Variants in FARS2 observed in about 807,000 individuals in gnomAD.
FARS2 encodes phenylalanine--tRNA ligase, mitochondrial.
FARS2 carries 40 observed loss-of-function variants against 46.4 expected under a neutral mutation model. The observed-to-expected ratio is 0.86, with a 90% confidence interval of 0.67 to 1.12. FARS2 has a LOEUF of 1.12. Ranked by LOEUF, FARS2 falls within the 50% of genes most tolerant of loss-of-function variation. The probability of loss-of-function intolerance (pLI) is 0.00; values close to 1 mark genes in which losing one functional copy is unlikely to be tolerated. For synonymous variants in FARS2, 234 were observed against 214.9 expected, an observed-to-expected ratio of 1.09 and a Z score of -0.78; for missense variants, 513 against 567.9, an observed-to-expected ratio of 0.90 and a Z score of 0.98.
At chr6:5,296,944 G>A (rs1167787049) in intron 1 of FARS2, among the ~76,000 whole-genome samples, 3 of 152,192 alleles carry the variant, frequency 2.0e-5, no homozygotes, top group Non-Finnish European at 2.9e-5. Flanking sequence ...AGACCCAAAC[G>A]TGGAATTGCT....
chr6:5,551,051 A>G lies in FARS2; in HGVS notation c.1065+5711A>G, dbSNP rs563184753. Among the ~76,000 whole-genome samples the G allele has an allele frequency of 4.7e-4, 72 of 152,312 alleles. 1 individual carries two copies. Among genetic ancestry groups the G allele is most frequent in the African/African-American group, 1.6e-3 (67 of 41,564 alleles). On this transcript the variant is annotated intron_variant, in intron 5 of 6. Transcript: ENST00000274680. ...GTATAGATAGGCTAAGAATTTCCCAAATTATCTAATCTTGCTCCTCTTTGC... is the reference window on the plus strand; with the variant it reads ...GTATAGATAGGCTAAGAATTTCCCAGATTATCTAATCTTGCTCCTCTTTGC...
chr6:5,718,569 T>C lies in FARS2; in HGVS notation c.1218-52722T>C, dbSNP rs553036156. On this transcript the variant is annotated intron_variant, in intron 6 of 6. Coordinates refer to ENST00000274680, the MANE Select transcript of FARS2 (RefSeq NM_006567.5). The stretch of plus-strand genomic sequence containing the variant: ...CTTACATATACACACAAGAGACATT[T>C]GAAATATCAAATTTAAGCCTGGCAA... Among the ~76,000 whole-genome samples the C allele has an allele frequency of 1.4e-4, 22 of 152,318 alleles. 1 individual carries two copies. In the South Asian group the frequency reaches 4.6e-3, roughly 32 times the overall value.
rs376516320 is a variant in FARS2, at chr6:5,610,167, T to G, written c.1066-3002T>G. On this transcript the variant is annotated intron_variant, in intron 5 of 6. Transcript: ENST00000274680. ...TCCAATGAAGAGCTTCCTCAGCTATTCGGGCTCTTTAGGAGACTCTGACTT... is the reference window on the plus strand; with the variant it reads ...TCCAATGAAGAGCTTCCTCAGCTATGCGGGCTCTTTAGGAGACTCTGACTT... 2.3e-4 allele frequency: 234 copies of G among 996,484 alleles called. 4 individuals carry two copies. In the South Asian group the frequency reaches 3.2e-3, roughly 14 times the overall value. 61.7% of individuals were successfully genotyped at this position (996,484 alleles called of 1,614,324 possible).
Position 5,662,261 on chromosome 6 carries a change from G to T in FARS2, c.1217+48941G>T, listed in dbSNP as rs921719370. Among the ~76,000 whole-genome samples the T allele has an allele frequency of 4.6e-5, 7 of 151,938 alleles. No individual in the cohort carries two copies. The East Asian group carries it at 1.2e-3, about 25-fold the overall frequency. On this transcript the variant is annotated intron_variant, in intron 6 of 6. Coordinates refer to ENST00000274680, the MANE Select transcript of FARS2 (RefSeq NM_006567.5). ...TCATTTGTTATATTTTCCCATCCTT[G>T]CAGTGCATTGCAGACAATATTATTA...
the FARS2 span, among the ~76,000 whole-genome samples, chr6:5,252,984 A>T: frequency 3.3e-5 from 5 of 152,174 alleles, no homozygotes; most frequent in Non-Finnish European, 7.4e-5. Flanking sequence ...AAGCATTCCT[A>T]ATTTTAAGGT....
intron 1 of FARS2, among the ~76,000 whole-genome samples, chr6:5,266,029 T>C (rs1160744726): frequency 6.6e-6 from 1 of 152,162 alleles, no homozygotes; most frequent in Non-Finnish European, 1.5e-5. Context: ...AGTGTTTGTG[T>C]TGGGCTTGAG....
At chr6:5,535,241 C>A (rs1346345916) in intron 4 of FARS2, among the ~76,000 whole-genome samples, 2 of 152,084 alleles carry the variant, frequency 1.3e-5, no homozygotes, top group Admixed American at 1.3e-4. Flanking sequence ...TTTCGAAGTA[C>A]TTTATTTTTG....
At chr6:5,696,003 T>C (rs1423126474) in intron 6 of FARS2, among the ~76,000 whole-genome samples, 3 of 152,226 alleles carry the variant, frequency 2.0e-5, no homozygotes, top group Non-Finnish European at 2.9e-5. Context: ...ATACAAATTA[T>C]TTGCTGCAAA....
At chr6:5,382,600 G>A (rs905197931) in intron 2 of FARS2, among the ~76,000 whole-genome samples, 1 of 152,196 alleles carries the variant, frequency 6.6e-6, no homozygotes, top group African/African-American at 2.4e-5. Flanking sequence ...CTAATAGTAT[G>A]TGAAGTCTAC....
Position 5,727,273 on chromosome 6 carries a change from G to A in FARS2, c.1218-44018G>A, listed in dbSNP as rs907078964. On this transcript the variant is annotated intron_variant, in intron 6 of 6. Transcript: ENST00000274680. This position sits in a 1 kb window ranked among gnomAD's most constrained non-coding sequence, Gnocchi z 4.1. ...ATGGTTCAAATGCAGCCTCCTCTATGAGGTTGGACCCCGTTCCTCTGCACA... is the reference window on the plus strand; with the variant it reads ...ATGGTTCAAATGCAGCCTCCTCTATAAGGTTGGACCCCGTTCCTCTGCACA... Among the ~76,000 whole-genome samples, 5 of 152,188 alleles carry A rather than the reference G, an allele frequency of 3.3e-5. No homozygotes were observed. The highest frequency in any genetic ancestry group is 5.9e-5 in the Non-Finnish European group (4 of 68,038).
intron 1 of FARS2, among the ~76,000 whole-genome samples, chr6:5,262,009 C>G (rs939317116): frequency 2.0e-5 from 3 of 152,174 alleles, no homozygotes; most frequent in African/African-American, 4.8e-5. Context: ...GAAGCTTCAG[C>G]CAGTCCTAGT....
chr6:5,753,566 T>C (rs967939704), intron 6 of FARS2, among the ~76,000 whole-genome samples: 49 of 152,280 alleles, frequency 3.2e-4, no homozygotes, highest in African/African-American at 1.1e-3. Context: ...ACCCAGCCTC[T>C]CTTGCCACCT....
intron 5 of FARS2, among the ~76,000 whole-genome samples, chr6:5,611,986 T>A (rs1775214328): frequency 6.6e-6 from 1 of 152,208 alleles, no homozygotes; most frequent in Non-Finnish European, 1.5e-5. Flanking sequence ...ACCACCAAAC[T>A]CCTGTCATCT....
intron 3 of FARS2, among the ~76,000 whole-genome samples, chr6:5,412,621 G>A (rs1375831872): frequency 1.3e-5 from 2 of 152,152 alleles, no homozygotes; most frequent in Non-Finnish European, 2.9e-5. Context: ...TTTTATCCAT[G>A]AGGCTCTATT....
chr6:5,577,639 C>T (rs1272916801), intron 5 of FARS2, among the ~76,000 whole-genome samples: 3 of 152,060 alleles, frequency 2.0e-5, no homozygotes, highest in Non-Finnish European at 2.9e-5. Flanking sequence ...CATTCATTTT[C>T]TTCTTTAAAC....
At chr6:5,475,780 C>T (rs568866031) in intron 4 of FARS2, among the ~76,000 whole-genome samples, 5 of 152,282 alleles carry the variant, frequency 3.3e-5, no homozygotes, top group African/African-American at 1.2e-4. Flanking sequence ...AGGTGCAGCT[C>T]AGAGAGTCCC....
Position 5,569,175 on chromosome 6 carries a change from A to G in FARS2, c.1065+23835A>G, listed in dbSNP as rs2150555056. 2.6e-5 allele frequency among the ~76,000 whole-genome samples: 4 copies of G among 152,016 alleles called. 1 individual carries two copies. Among genetic ancestry groups the G allele is most frequent in the African/African-American group, 7.2e-5 (3 of 41,460 alleles). Reference sequence around the variant, plus strand: ...GAGCTGGGTAGATGAGAAACAGGAGAAAAAACAGGTCTGGAGAAGAAGATG... The same window carrying G: ...GAGCTGGGTAGATGAGAAACAGGAGGAAAAACAGGTCTGGAGAAGAAGATG... On this transcript the variant is annotated intron_variant, in intron 5 of 6. Coordinates refer to ENST00000274680, the MANE Select transcript of FARS2 (RefSeq NM_006567.5).
intron 4 of FARS2, among the ~76,000 whole-genome samples, chr6:5,457,623 T>C (rs1764975185): frequency 6.6e-6 from 1 of 152,218 alleles, no homozygotes; most frequent in South Asian, 2.1e-4. Context: ...TATTTTTTAA[T>C]CTCCTAAAGC....
intron 6 of FARS2, among the ~76,000 whole-genome samples, chr6:5,711,295 A>G (rs4960128): frequency 0.065 from 9,623 of 147,216 alleles, 420 homozygotes; most frequent in African/African-American, 0.11. Context: ...GGGATGGATG[A>G]ATGAATGAAT....
Sources: gnomAD v4.1 joint callset for allele counts (sites outside exome capture counted in the v4.1 genomes callset) on GRCh38, gnomAD v4.1.1 for gene constraint, Gnocchi (gnomAD v3.1) non-coding constraint, MANE v1.5 for transcripts, NCBI Gene and HGNC (gene_info 2026-07-23, HGNC 2026-07-21) for gene names.